Variants in QPCT observed in about 807,000 individuals in gnomAD.
The protein encoded by QPCT is EC.
Under a neutral mutation model 43.4 loss-of-function variants are expected in QPCT, and 44 were observed. The observed-to-expected ratio is 1.01, with a 90% confidence interval of 0.80 to 1.30. QPCT has a LOEUF of 1.30. Among genes scored for constraint, QPCT ranks in the 50% most tolerant of loss-of-function variants. QPCT has a pLI of 0.00. For synonymous variants in QPCT, 168 were observed against 168.4 expected (o/e 1.00, Z 0.02); for missense variants, 526 against 436.5 (o/e 1.21, Z -1.83).
At position 37,372,683 on chromosome 2, in the gene QPCT, T is replaced by G; in HGVS notation, c.942T>G (p.Gly314=). The G allele has an allele frequency of 6.2e-7, 1 of 1,611,860 alleles. No homozygotes were observed. Among genetic ancestry groups the G allele is most frequent in the Non-Finnish European group, 8.5e-7 (1 of 1,179,212 alleles). The change falls in exon 7 of 7, where the codon GGT becomes GGG. Residue 314 remains glycine, a splice_region_variant and synonymous_variant. Transcript: ENST00000338415. ...TACAAGTTGGTTCTTTCTTAATAGG[T>G]GTTCCAGTTCTGCATCTGATACCGT... ...QDDHIPFLRR[G]VPVLHLIPSP... is the part of the protein sequence containing the mutation.
chr2:37,358,212 A>G (rs1449434755), intron 2 of QPCT, among the ~76,000 whole-genome samples: 1 of 152,058 alleles, frequency 6.6e-6, no homozygotes, highest in African/African-American at 2.4e-5. Flanking sequence ...CAGGAGTTTG[A>G]GACCAGCCCC....
chr2:37,354,575 G>A (rs1464907335), intron 2 of QPCT, among the ~76,000 whole-genome samples: 1 of 152,160 alleles, frequency 6.6e-6, no homozygotes, highest in African/African-American at 2.4e-5. Context: ...TCTCTATCCT[G>A]TCACTGGAGA....
intron 1 of QPCT, among the ~76,000 whole-genome samples, chr2:37,345,500 G>A (rs985095007): frequency 3.9e-5 from 6 of 152,262 alleles, no homozygotes; most frequent in Admixed American, 1.3e-4. Flanking sequence ...CGCATATAAG[G>A]AACTTAGGAT....
At chr2:37,371,585 A>G (rs1052161062) in intron 5 of QPCT, among the ~76,000 whole-genome samples, 1 of 152,098 alleles carries the variant, frequency 6.6e-6, no homozygotes, top group Non-Finnish European at 1.5e-5. Context: ...TAGTTGGTTT[A>G]GTTTTACCTT....
intron 1 of QPCT, among the ~76,000 whole-genome samples, chr2:37,349,516 G>A (rs930510650): frequency 1.3e-5 from 2 of 152,126 alleles, no homozygotes; most frequent in African/African-American, 4.8e-5. Flanking sequence ...AAGTGATTTC[G>A]TTTCACTCTG....
At chr2:37,349,170 C>A (rs771248287) in intron 1 of QPCT, among the ~76,000 whole-genome samples, 1 of 152,132 alleles carries the variant, frequency 6.6e-6, no homozygotes, top group Non-Finnish European at 1.5e-5. Flanking sequence ...GCTTTTAGCT[C>A]TGGGATTTTA....
rs372429556 is a variant in QPCT, at chr2:37,347,869, A to C, written c.120+3018A>C. On this transcript the variant is annotated intron_variant, in intron 1 of 6. Transcript: ENST00000338415. The stretch of plus-strand genomic sequence containing the variant: ...CTCTTTAAAAATATTAGTTTCGATA[A>C]ACTAAAAAGTCTGCCTTCTATTGAA... 1.3e-4 allele frequency among the ~76,000 whole-genome samples: 20 copies of C among 152,326 alleles called. No homozygotes were observed. In the South Asian group the frequency reaches 3.9e-3, roughly 30 times the overall value.
intron 1 of QPCT, among the ~76,000 whole-genome samples, chr2:37,350,255 AG>A (rs1672592072): frequency 6.6e-6 from 1 of 152,158 alleles, no homozygotes; most frequent in Non-Finnish European, 1.5e-5. Context: ...AGCAAGGGTG[AG>A]GGGGGAGACC....
At chr2:37,346,855 G>A (rs1306465323) in intron 1 of QPCT, among the ~76,000 whole-genome samples, 3 of 151,914 alleles carry the variant, frequency 2.0e-5, no homozygotes, top group Non-Finnish European at 4.4e-5. Context: ...ATCATATGAT[G>A]TATGTCTTTG....
At chr2:37,346,666 T>C (rs1451428593) in intron 1 of QPCT, among the ~76,000 whole-genome samples, 2 of 152,336 alleles carry the variant, frequency 1.3e-5, no homozygotes, top group South Asian at 2.1e-4. Context: ...CACTGTTCCA[T>C]TGAGAAACTG....
chr2:37,372,476 ATGTGTGTGTGTGTGTGTGTT>A lies in QPCT; in HGVS notation c.940+17_940+36del, dbSNP rs758810080. 7 of 1,559,914 alleles carry A rather than the reference ATGTGTGTGTGTGTGTGTGTT, an allele frequency of 4.5e-6. No homozygotes were observed. Among genetic ancestry groups the A allele is most frequent in the Admixed American group, 3.4e-5 (2 of 58,892 alleles). ...CATATTCCATTTTTAAGAAGAGGTA[ATGTGTGTGTGTGTGTGTGTT>A]TGTGTGTGTGTGCGTGCACAGCCTG... On this transcript the variant is annotated splice_donor_5th_base_variant and intron_variant, in intron 6 of 6. Coordinates refer to ENST00000338415, the MANE Select transcript of QPCT (RefSeq NM_012413.4).
intron 1 of QPCT, among the ~76,000 whole-genome samples, chr2:37,346,818 T>A (rs1163672249): frequency 6.6e-6 from 1 of 152,164 alleles, no homozygotes; most frequent in East Asian, 1.9e-4. Context: ...TGTGCCTTCC[T>A]ACTTTTTATG....
intron 2 of QPCT, among the ~76,000 whole-genome samples, chr2:37,356,536 G>A (rs1351430489): frequency 6.6e-6 from 1 of 152,198 alleles, no homozygotes; most frequent in Admixed American, 6.5e-5. Context: ...AATGATAGTA[G>A]TGGTCGTTTG....
At chr2:37,352,652 T>C in intron 1 of QPCT, 137 bp from the exon 2 acceptor site, 1 of 1,105,806 alleles carries the variant, frequency 9.0e-7, no homozygotes, top group Non-Finnish European at 1.3e-6. Context: ...AATTTTAAAG[T>C]TGAGTAGTTT....
Position 37,372,774 on chromosome 2 carries a change from G to T in QPCT, c.1033G>T (p.Asp345Tyr). Residue 345 changes from aspartate (D) to tyrosine (Y), a missense_variant, in exon 7 of 7, where the codon GAC (aspartate) becomes TAC (tyrosine). Physicochemically the swap from Asp to Tyr is radical, Grantham distance 160. Coordinates refer to ENST00000338415, the MANE Select transcript of QPCT (RefSeq NM_012413.4). ...NEENLDESTI[D>Y]NLNKILQVFV... ...AGAAAATTTGGATGAATCAACCATT[G>T]ACAATCTAAACAAAATCCTACAAGT... is the stretch of plus-strand genomic sequence containing the variant. The T allele has an allele frequency of 1.2e-6, 2 of 1,613,042 alleles. No homozygotes were observed. The highest frequency in any genetic ancestry group is 1.7e-6 in the Non-Finnish European group (2 of 1,179,246).
intron 1 of QPCT, among the ~76,000 whole-genome samples, chr2:37,347,156 A>ATATATATATATATATATATATCATG (rs1672508353): frequency 1.4e-5 from 1 of 70,320 alleles, no homozygotes; most frequent in Non-Finnish European, 2.4e-5. Context: ...ATATATATAT[A>ATATATATATATATATATATATCATG]TATATATAAC....
chr2:37,359,523 T>G, intron 2 of QPCT, 57 bp from the exon 3 acceptor site: 3 of 1,508,172 alleles, frequency 2.0e-6, no homozygotes, highest in Non-Finnish European at 2.7e-6. Flanking sequence ...GAATCACAGT[T>G]AACAAATGAA....
In QPCT at chr2:37,347,148, A is replaced by T. The variant is rs868830929; in HGVS notation, c.120+2297A>T. ...GGCATCTGGGTATGGGGTGTTTTAT[A>T]TATATATATATATATAACATATATA... On this transcript the variant is annotated intron_variant, in intron 1 of 6. Transcript: ENST00000338415. 1.0e-3 allele frequency among the ~76,000 whole-genome samples: 61 copies of T among 61,288 alleles called. 2 individuals are homozygous for T. The highest frequency in any genetic ancestry group is 7.8e-3 in the Middle Eastern group (1 of 128). 40.2% of individuals were successfully genotyped at this position (61,288 alleles called of 152,430 possible).
At chr2:37,349,590 T>A (rs1341501807) in intron 1 of QPCT, among the ~76,000 whole-genome samples, 1 of 152,210 alleles carries the variant, frequency 6.6e-6, no homozygotes, top group African/African-American at 2.4e-5. Context: ...TATTGGACAG[T>A]AAGCAGACAA....
Sources: gnomAD v4.1 joint callset for allele counts (sites outside exome capture counted in the v4.1 genomes callset) on GRCh38, gnomAD v4.1.1 for gene constraint, MANE v1.5 for transcripts, NCBI Gene and HGNC (gene_info 2026-07-23, HGNC 2026-07-21) for gene names.